SPRR2G: variants seen among roughly 807,000 people sequenced by gnomAD.
SPRR2G encodes small proline rich protein 2G.
A neutral mutation model predicts 0.7 loss-of-function variants in SPRR2G; 1 was observed. The observed-to-expected ratio is 1.49, with a 90% CI of 0.53 to 7.06. The LOEUF (loss-of-function observed/expected upper bound fraction) is 7.06. Among genes scored for constraint, SPRR2G ranks in the 30% most tolerant of loss-of-function variants. SPRR2G has a pLI of 0.14. For missense variants in SPRR2G, 96 were observed against 88.5 expected (o/e 1.09, Z -0.34); for synonymous variants, 38 against 33.9 (o/e 1.12, Z -0.42).
chr1:153,172,842 G>A, the SPRR2G span, among the ~76,000 whole-genome samples: 5 of 152,164 alleles, frequency 3.3e-5, no homozygotes, highest in African/African-American at 9.7e-5. Flanking sequence ...TTAGGGCTTG[G>A]GCTAGCCTTC....
chr1:153,183,184 T>A, the SPRR2G span, among the ~76,000 whole-genome samples: 2 of 146,946 alleles, frequency 1.4e-5, no homozygotes, highest in Non-Finnish European at 3.0e-5. Flanking sequence ...TTCTTTAAAT[T>A]ATGTGTGGTG....
the SPRR2G span, among the ~76,000 whole-genome samples, chr1:153,186,759 T>C: frequency 1.3e-5 from 2 of 152,222 alleles, no homozygotes; most frequent in Non-Finnish European, 2.9e-5. Flanking sequence ...AGCTGGTTAT[T>C]TTACACATTA....
upstream of SPRR2G, among the ~76,000 whole-genome samples, chr1:153,153,570 ATT>A (rs938198258): frequency 2.0e-5 from 3 of 152,132 alleles, no homozygotes; most frequent in African/African-American, 4.8e-5. Flanking sequence ...TTGCCTAAAG[ATT>A]TTGAAAAGAA....
At chr1:153,154,464 AC>A (rs921899254), upstream of SPRR2G, among the ~76,000 whole-genome samples, 3 of 152,102 alleles carry the variant, frequency 2.0e-5, no homozygotes, top group Non-Finnish European at 4.4e-5. Flanking sequence ...AGAGTTTACT[AC>A]TGTAGCCATG....
chr1:153,184,147 T>C, the SPRR2G span, among the ~76,000 whole-genome samples: 462 of 152,346 alleles, frequency 3.0e-3, 2 homozygotes, highest in African/African-American at 9.8e-3. Flanking sequence ...TGAAGTCAGG[T>C]AGCATGATGC....
chr1:153,186,400 G>T, the SPRR2G span, among the ~76,000 whole-genome samples: 1 of 152,172 alleles, frequency 6.6e-6, no homozygotes, highest in Non-Finnish European at 1.5e-5. Context: ...GGGTGCTCCT[G>T]TATTGGGTGC....
the SPRR2G span, among the ~76,000 whole-genome samples, chr1:153,182,589 T>A: frequency 6.6e-6 from 1 of 152,116 alleles, no homozygotes; most frequent in Non-Finnish European, 1.5e-5. Context: ...CCCCTCCCTC[T>A]GTCCATGTGT....
chr1:153,195,925 G>A, the SPRR2G span, among the ~76,000 whole-genome samples: 1 of 152,134 alleles, frequency 6.6e-6, no homozygotes, highest in African/African-American at 2.4e-5. Flanking sequence ...GCCTCCATAG[G>A]TGGTGAGTGA....
At chr1:153,187,718 A>T in the SPRR2G span, among the ~76,000 whole-genome samples, 1 of 152,106 alleles carries the variant, frequency 6.6e-6, no homozygotes, top group Non-Finnish European at 1.5e-5. Flanking sequence ...CATCAAATTC[A>T]TGCTCCATCC....
the SPRR2G span, among the ~76,000 whole-genome samples, chr1:153,177,085 A>G: frequency 6.6e-6 from 1 of 152,070 alleles, no homozygotes; most frequent in African/African-American, 2.4e-5. Flanking sequence ...TTTTAATATG[A>G]TTTATATACA....
chr1:153,198,154 C>T, the SPRR2G span, among the ~76,000 whole-genome samples: 2 of 151,996 alleles, frequency 1.3e-5, no homozygotes, highest in Admixed American at 6.6e-5. Context: ...AGGGAGGACT[C>T]GGCTGGCAGA....
At chr1:153,152,417 A>T (rs1009519747), upstream of SPRR2G, among the ~76,000 whole-genome samples, 2 of 152,160 alleles carry the variant, frequency 1.3e-5, no homozygotes, top group Non-Finnish European at 2.9e-5. Context: ...TACCCAGAAG[A>T]ATGCTGTGTT....
At chr1:153,192,062 T>A in the SPRR2G span, among the ~76,000 whole-genome samples, 2 of 152,226 alleles carry the variant, frequency 1.3e-5, no homozygotes, top group Non-Finnish European at 2.9e-5. Context: ...CCTCCTCGGT[T>A]GTCTCCTGCA....
At chr1:153,172,149 C>T in the SPRR2G span, among the ~76,000 whole-genome samples, 2 of 152,178 alleles carry the variant, frequency 1.3e-5, no homozygotes, top group East Asian at 1.9e-4. Context: ...TTGGCTTCCA[C>T]TCTACTTCAC....
At chr1:153,164,386 A>T in the SPRR2G span, among the ~76,000 whole-genome samples, 1 of 152,206 alleles carries the variant, frequency 6.6e-6, no homozygotes, top group Non-Finnish European at 1.5e-5. Context: ...GGAGAAAGTC[A>T]TTTAGTCCAG....
At chr1:153,200,634 G>A in the SPRR2G span, among the ~76,000 whole-genome samples, 2,941 of 152,100 alleles carry the variant, frequency 0.019, 100 homozygotes, top group African/African-American at 0.067. Context: ...ATAGATGAAG[G>A]AATCGAGACC....
chr1:153,180,493 C>T, the SPRR2G span, among the ~76,000 whole-genome samples: 1 of 152,060 alleles, frequency 6.6e-6, no homozygotes, highest in African/African-American at 2.4e-5. Context: ...GAATATACTA[C>T]CATTTATGCA....
Position 153,150,032 on chromosome 1 carries a change from A to T in SPRR2G, c.79T>A (p.Cys27Ser). 6.2e-7 allele frequency: 1 copy of T among 1,613,644 alleles called. No homozygotes were observed. The highest frequency in any genetic ancestry group is 8.5e-7 in the Non-Finnish European group (1 of 1,179,900). Residue 27 changes from cysteine (C) to serine (S), a missense_variant, in exon 2 of 2, where the codon TGT (cysteine) becomes AGT (serine). By Grantham distance (112) the Cys-to-Ser change is moderately radical. Transcript: ENST00000368748. ...GGCTCAGGGCACTTCGGGGGTGGACATGGCTCTGGGCACTTTGGCGTGGGG... is the reference window on the plus strand; with the variant it reads ...GGCTCAGGGCACTTCGGGGGTGGACTTGGCTCTGGGCACTTTGGCGTGGGG... ...VCPTPKCPEP[C>S]PPPKCPEPYL...
At chr1:153,170,052 T>G in the SPRR2G span, among the ~76,000 whole-genome samples, 1 of 152,212 alleles carries the variant, frequency 6.6e-6, no homozygotes, top group Non-Finnish European at 1.5e-5. Context: ...TGATTTTAAG[T>G]TACAAAGTGT....
Sources: gnomAD v4.1 joint callset for allele counts (sites outside exome capture counted in the v4.1 genomes callset) on GRCh38, gnomAD v4.1.1 for gene constraint, MANE v1.5 for transcripts, NCBI Gene and HGNC (gene_info 2026-07-23, HGNC 2026-07-21) for gene names.